ZNF521: variants seen among roughly 807,000 people sequenced by gnomAD.
The protein encoded by ZNF521 is LYST-interacting protein 3.
A neutral mutation model predicts 105.5 loss-of-function variants in ZNF521; 14 were observed. The ratio of observed to expected loss-of-function variants is 0.13; its 90% confidence interval spans 0.09 to 0.21. ZNF521 has a LOEUF of 0.21. ZNF521 is among the 10% of genes least tolerant of loss of function. The pLI is 1.00. For synonymous variants in ZNF521, 635 were observed against 606.0 expected, an observed-to-expected ratio of 1.05 and a Z score of -0.70; for missense variants, 1,233 against 1,629.7, an observed-to-expected ratio of 0.76 and a Z score of 4.19.
At chr18:25,146,932 TAAAAC>T (rs1279489330) in intron 5 of ZNF521, among the ~76,000 whole-genome samples, 2 of 152,100 alleles carry the variant, frequency 1.3e-5, no homozygotes, top group African/African-American at 4.8e-5. Context: ...TGTTTGTAAA[TAAAAC>T]AAAACTGGAT....
intron 3 of ZNF521, among the ~76,000 whole-genome samples, chr18:25,293,374 A>ACACACG (rs1346776093): frequency 6.6e-6 from 1 of 151,786 alleles, no homozygotes; most frequent in Non-Finnish European, 1.5e-5. Flanking sequence ...ACACACACAC[A>ACACACG]CACACACACA....
In ZNF521 at chr18:25,181,643, A is replaced by G. The variant is rs534762352; in HGVS notation, c.3658+13517T>C. Among the ~76,000 whole-genome samples the G allele has an allele frequency of 2.0e-5, 3 of 152,298 alleles. No homozygotes were observed. In the South Asian group the frequency reaches 6.2e-4, roughly 32 times the overall value. On this transcript the variant is annotated intron_variant, in intron 5 of 7. Transcript: ENST00000361524. Reference sequence around the variant, plus strand: ...AGATTCTAGTTCCCATCAAGTCAATATCCCCCTAGAGAATGATTTTAAACA... The same window carrying G: ...AGATTCTAGTTCCCATCAAGTCAATGTCCCCCTAGAGAATGATTTTAAACA...
chr18:25,230,827 G>A (rs1218610341), intron 3 of ZNF521, among the ~76,000 whole-genome samples: 2 of 152,104 alleles, frequency 1.3e-5, no homozygotes, highest in South Asian at 2.1e-4. Context: ...AGCTTTGCTA[G>A]AAACCAGCTC....
chr18:25,277,584 T>C (rs1278160482), intron 3 of ZNF521, among the ~76,000 whole-genome samples: 1 of 152,152 alleles, frequency 6.6e-6, no homozygotes, highest in East Asian at 1.9e-4. Flanking sequence ...GAAGAATGGG[T>C]GTGTGTATTT....
At chr18:25,184,312 A>T (rs2035683938) in intron 5 of ZNF521, among the ~76,000 whole-genome samples, 1 of 152,170 alleles carries the variant, frequency 6.6e-6, no homozygotes, top group African/African-American at 2.4e-5. Flanking sequence ...ATTCTCTTTG[A>T]CGATGTATTT....
At chr18:25,337,109 A>T (rs974960626) in intron 2 of ZNF521, among the ~76,000 whole-genome samples, 1 of 152,144 alleles carries the variant, frequency 6.6e-6, no homozygotes, top group African/African-American at 2.4e-5. Context: ...CCATTTAATA[A>T]ATGTTTGCTA....
At chr18:25,303,271 CGTGTGTGTGTGTGT>C (rs756904913) in intron 3 of ZNF521, among the ~76,000 whole-genome samples, 3 of 132,612 alleles carry the variant, frequency 2.3e-5, no homozygotes, top group Non-Finnish European at 4.7e-5. Flanking sequence ...TTCTTTCTTT[CGTGTGTGTGTGTGT>C]GTGTGTGTGT....
At chr18:25,065,900 C>T (rs1440228699) in intron 7 of ZNF521, among the ~76,000 whole-genome samples, 4 of 152,154 alleles carry the variant, frequency 2.6e-5, no homozygotes, top group Non-Finnish European at 5.9e-5. Flanking sequence ...TGAACAAATA[C>T]ACATACATCA....
At chr18:25,141,660 T>C (rs1297433887) in intron 5 of ZNF521, among the ~76,000 whole-genome samples, 7 of 152,150 alleles carry the variant, frequency 4.6e-5, no homozygotes, top group African/African-American at 1.7e-4. Flanking sequence ...TCATCTGACT[T>C]GGGATTTTCT....
At chr18:25,273,204 A>G (rs1174452564) in intron 3 of ZNF521, among the ~76,000 whole-genome samples, 1 of 119,840 alleles carries the variant, frequency 8.3e-6, no homozygotes, top group African/African-American at 3.3e-5. Flanking sequence ...TCCCAAGAGG[A>G]GTGAAACCCT....
At chr18:25,197,195 AAC>A (rs1013103491) in intron 4 of ZNF521, among the ~76,000 whole-genome samples, 1 of 151,824 alleles carries the variant, frequency 6.6e-6, no homozygotes, top group African/African-American at 2.4e-5. Flanking sequence ...CCACTCATAA[AAC>A]AGTGTCTAAA....
At chr18:25,097,720 C>T (rs189340360) in intron 5 of ZNF521, among the ~76,000 whole-genome samples, 5 of 152,220 alleles carry the variant, frequency 3.3e-5, no homozygotes, top group East Asian at 3.9e-4. Flanking sequence ...TCTCAAGAGC[C>T]GCAGGATACA....
intron 3 of ZNF521, among the ~76,000 whole-genome samples, chr18:25,265,611 T>C (rs753288541): frequency 8.5e-5 from 13 of 152,216 alleles, no homozygotes; most frequent in Admixed American, 1.3e-4. Flanking sequence ...AACAATCTGT[T>C]AGTACAACAA....
intron 2 of ZNF521, among the ~76,000 whole-genome samples, chr18:25,323,863 C>A (rs77843702): frequency 0.09 from 13,676 of 151,868 alleles, 790 homozygotes; most frequent in South Asian, 0.22. Flanking sequence ...ACCCTTCCAA[C>A]GATTCACATA....
At chr18:25,144,478 ATTTTAC>A (rs2034906951) in intron 5 of ZNF521, among the ~76,000 whole-genome samples, 2 of 152,196 alleles carry the variant, frequency 1.3e-5, no homozygotes, top group African/African-American at 2.4e-5. Context: ...ATCAGCTACA[ATTTTAC>A]TTTAAGTTTC....
At chr18:25,267,539 A>G (rs113487258) in intron 3 of ZNF521, among the ~76,000 whole-genome samples, 1,682 of 152,246 alleles carry the variant, frequency 0.011, 31 homozygotes, top group African/African-American at 0.039. Flanking sequence ...TCTGATTGGC[A>G]TCTGGTGGGT....
At chr18:25,151,554 C>T (rs1307034567) in intron 5 of ZNF521, among the ~76,000 whole-genome samples, 1 of 152,196 alleles carries the variant, frequency 6.6e-6, no homozygotes, top group African/African-American at 2.4e-5. Context: ...CTGGACCAGG[C>T]TCTTTTGGGA....
intron 2 of ZNF521, among the ~76,000 whole-genome samples, chr18:25,323,647 A>G (rs1913052585): frequency 6.6e-6 from 1 of 152,168 alleles, no homozygotes; most frequent in Non-Finnish European, 1.5e-5. Context: ...TACAATCAAG[A>G]ATCCACAGAA....
At chr18:25,329,214 G>A (rs2056059852) in intron 2 of ZNF521, among the ~76,000 whole-genome samples, 1 of 152,208 alleles carries the variant, frequency 6.6e-6, no homozygotes. Flanking sequence ...AAGGTGACCA[G>A]GCACAGCTTG....
Sources: allele counts gnomAD v4.1 joint callset (sites outside exome capture counted in the v4.1 genomes callset), GRCh38; gene constraint gnomAD v4.1.1; transcripts MANE v1.5; gene names NCBI Gene and HGNC (gene_info 2026-07-23, HGNC 2026-07-21).